Variants in LRRTM4 observed in about 807,000 individuals in gnomAD.
LRRTM4 encodes the protein leucine-rich repeat transmembrane neuronal protein 4.
In LRRTM4, 25 loss-of-function variants were observed where a neutral mutation model predicts 47.6. The ratio of observed to expected loss-of-function variants is 0.53; its 90% CI spans 0.38 to 0.73. The LOEUF is 0.73. Ranked by LOEUF, LRRTM4 falls within the 30% of genes least tolerant of loss-of-function variation. The pLI is 0.00. For synonymous variants in LRRTM4, 311 were observed against 269.5 expected (o/e 1.15, Z -1.51); for missense variants, 638 against 713.4 (o/e 0.89, Z 1.20).
At chr2:76,844,045 G>A (rs1671767734) in intron 3 of LRRTM4, among the ~76,000 whole-genome samples, 1 of 149,824 alleles carries the variant, frequency 6.7e-6, no homozygotes, top group African/African-American at 2.5e-5. Context: ...GGAACTACAG[G>A]CGCCCACCAG....
chr2:76,921,399 C>A (rs1003979192), intron 3 of LRRTM4, among the ~76,000 whole-genome samples: 1 of 151,988 alleles, frequency 6.6e-6, no homozygotes. Flanking sequence ...AGTTTGATCA[C>A]CTGGTAGAGG....
intron 3 of LRRTM4, among the ~76,000 whole-genome samples, chr2:77,452,779 G>C (rs1676310380): frequency 1.3e-5 from 2 of 152,028 alleles, no homozygotes; most frequent in African/African-American, 4.8e-5. Context: ...TTTGACGATG[G>C]GTCAACAATA....
At chr2:76,861,957 C>T (rs1447174231) in intron 3 of LRRTM4, among the ~76,000 whole-genome samples, 1 of 152,076 alleles carries the variant, frequency 6.6e-6, no homozygotes, top group Non-Finnish European at 1.5e-5. Context: ...CAATGTTGTA[C>T]CAAATAAGGC....
In LRRTM4 at chr2:77,400,057, C is replaced by T. The variant is rs1558725253; in HGVS notation, c.1551+118261G>A. ...ATGAGATAATGCCATCTGACGCTCC[C>T]CTCCACCTCACCACCCTATTCTCTG... On this transcript the variant is annotated intron_variant, in intron 3 of 3. Coordinates refer to ENST00000409884, the MANE Select transcript of LRRTM4 (RefSeq NM_001134745.3). Among the ~76,000 whole-genome samples, 3 of 151,880 alleles carry T rather than the reference C, an allele frequency of 2.0e-5. No homozygotes were observed. The South Asian group carries it at 6.2e-4, about 32-fold the overall frequency.
chr2:77,164,340 G>A (rs932038590), intron 3 of LRRTM4, among the ~76,000 whole-genome samples: 1 of 152,112 alleles, frequency 6.6e-6, no homozygotes, highest in African/African-American at 2.4e-5. Flanking sequence ...AAAGGACTTA[G>A]ACTCCCATAC....
intron 3 of LRRTM4, among the ~76,000 whole-genome samples, chr2:77,331,589 T>C (rs1246446493): frequency 2.0e-5 from 3 of 152,220 alleles, no homozygotes; most frequent in Non-Finnish European, 4.4e-5. Context: ...TGAAGTTCCA[T>C]GAACAAATCA....
intron 3 of LRRTM4, among the ~76,000 whole-genome samples, chr2:76,751,017 T>C (rs1408118831): frequency 6.6e-6 from 1 of 152,210 alleles, no homozygotes; most frequent in Non-Finnish European, 1.5e-5. Context: ...GATAAGTTGT[T>C]CATAAGAGTT....
At chr2:76,802,781 C>T (rs1160800841) in intron 3 of LRRTM4, among the ~76,000 whole-genome samples, 2 of 152,018 alleles carry the variant, frequency 1.3e-5, no homozygotes, top group Non-Finnish European at 2.9e-5. Flanking sequence ...GGATAGAGAA[C>T]TCAGAAATAC....
intron 3 of LRRTM4, among the ~76,000 whole-genome samples, chr2:76,893,659 A>T (rs1422626203): frequency 1.3e-5 from 2 of 151,786 alleles, no homozygotes; most frequent in African/African-American, 4.8e-5. Context: ...CCTTAAAGAG[A>T]ACTCATCCTA....
chr2:77,426,193 C>G (rs1675098142), intron 3 of LRRTM4, among the ~76,000 whole-genome samples: 1 of 151,772 alleles, frequency 6.6e-6, no homozygotes, highest in African/African-American at 2.4e-5. Context: ...TCTCTTGAAT[C>G]TACTTGTTAA....
intron 3 of LRRTM4, among the ~76,000 whole-genome samples, chr2:77,099,457 G>A (rs534824288): frequency 1.3e-5 from 2 of 151,930 alleles, no homozygotes; most frequent in African/African-American, 4.8e-5. Context: ...ATTTGGGTGT[G>A]TGTGTGTTTA....
intron 3 of LRRTM4, among the ~76,000 whole-genome samples, chr2:77,002,429 T>TA (rs201553634): frequency 0.014 from 2,082 of 152,234 alleles, 40 homozygotes; most frequent in African/African-American, 0.045. Context: ...ACAATACATT[T>TA]TCAAATAAAT....
chr2:76,881,970 T>G (rs1672943785), intron 3 of LRRTM4, among the ~76,000 whole-genome samples: 1 of 152,158 alleles, frequency 6.6e-6, no homozygotes, highest in Non-Finnish European at 1.5e-5. Flanking sequence ...AAAGTGGTCT[T>G]TCATTAAATC....
At chr2:77,038,065 A>G (rs567676839) in intron 3 of LRRTM4, among the ~76,000 whole-genome samples, 2 of 151,742 alleles carry the variant, frequency 1.3e-5, no homozygotes, top group African/African-American at 4.8e-5. Flanking sequence ...TGATGTGCCC[A>G]TCTGTTTCTT....
Position 77,268,138 on chromosome 2 carries a change from T to A in LRRTM4, c.1551+250180A>T, listed in dbSNP as rs558734517. On this transcript the variant is annotated intron_variant, in intron 3 of 3. Transcript: ENST00000409884. ...CATCAATAAGTCAGTGACTTTCTAA[T>A]TTCTGTGTTTGGCATATATTTTCCA... Among the ~76,000 whole-genome samples, 13 of 152,254 alleles carry A rather than the reference T, an allele frequency of 8.5e-5. No homozygotes were observed. In the South Asian group the frequency reaches 2.5e-3, roughly 29 times the overall value.
chr2:77,090,074 G>A (rs187971202), intron 3 of LRRTM4, among the ~76,000 whole-genome samples: 2,940 of 152,112 alleles, frequency 0.019, 40 homozygotes, highest in Non-Finnish European at 0.032. Context: ...TCGCCAGGCT[G>A]AGCTAGGTCC....
At chr2:76,889,670 A>C (rs1673188646) in intron 3 of LRRTM4, among the ~76,000 whole-genome samples, 1 of 152,064 alleles carries the variant, frequency 6.6e-6, no homozygotes, top group South Asian at 2.1e-4. Flanking sequence ...GAAGGAGGAC[A>C]AAATGACTGT....
intron 3 of LRRTM4, among the ~76,000 whole-genome samples, chr2:77,113,150 G>T (rs1488983325): frequency 1.3e-5 from 2 of 152,082 alleles, no homozygotes; most frequent in Non-Finnish European, 2.9e-5. Flanking sequence ...AGTCATCGGA[G>T]CCTGTGAGCT....
chr2:77,036,137 C>T (rs529126622), intron 3 of LRRTM4, among the ~76,000 whole-genome samples: 5 of 151,448 alleles, frequency 3.3e-5, no homozygotes, highest in African/African-American at 9.7e-5. Flanking sequence ...ATAATGTAGA[C>T]CACAAAACAG....
Sources: gnomAD v4.1 joint callset for allele counts (sites outside exome capture counted in the v4.1 genomes callset) on GRCh38, gnomAD v4.1.1 for gene constraint, MANE v1.5 for transcripts, NCBI Gene and HGNC (gene_info 2026-07-23, HGNC 2026-07-21) for gene names.